SPRED2: variants seen among roughly 807,000 people sequenced by gnomAD.
The protein encoded by SPRED2 is sprouty-related, EVH1 domain-containing protein 2.
A neutral mutation model predicts 43.0 loss-of-function variants in SPRED2; 47 were observed. The ratio of observed to expected loss-of-function variants is 1.09; its 90% confidence interval spans 0.87 to 1.40. SPRED2 has a LOEUF of 1.40. Ranked by LOEUF, SPRED2 falls within the 40% of genes most tolerant of loss-of-function variation. SPRED2 has a pLI of 0.00. For synonymous variants in SPRED2, 225 were observed against 225.7 expected (o/e 1.00, Z 0.03); for missense variants, 561 against 586.4 (o/e 0.96, Z 0.45).
In SPRED2 at chr2:65,332,046, T is replaced by C; in HGVS notation, c.379A>G (p.Thr127Ala). 2 of 1,606,784 alleles carry C rather than the reference T, an allele frequency of 1.2e-6. No homozygotes were observed. Among genetic ancestry groups the C allele is most frequent in the South Asian group, 1.1e-5 (1 of 89,530 alleles). Reference sequence around the variant, plus strand: ...TTATGGATGGTGGAAGATGACGTTGTTGAACCTAAAAAGACAAAAATGTAA... The same window carrying C: ...TTATGGATGGTGGAAGATGACGTTGCTGAACCTAAAAAGACAAAAATGTAA... ...KAIEDLIEGS[T>A]TSSSTIHNEA... is the part of the protein sequence containing the mutation. Residue 127 changes from threonine to alanine, a missense_variant, in exon 4 of 6, where the codon ACA (threonine) becomes GCA (alanine). Coordinates refer to ENST00000356388, the MANE Select transcript of SPRED2 (RefSeq NM_181784.3).
intron 1 of SPRED2, among the ~76,000 whole-genome samples, chr2:65,412,473 TC>T (rs966069781): frequency 5.7e-4 from 87 of 152,340 alleles, no homozygotes; most frequent in Middle Eastern, 3.4e-3. Flanking sequence ...CTGGCCCATT[TC>T]CTTGTTGCTA....
chr2:65,373,008 GCTAT>G (rs2104343614), intron 1 of SPRED2, among the ~76,000 whole-genome samples: 2 of 152,340 alleles, frequency 1.3e-5, no homozygotes, highest in South Asian at 4.1e-4. Flanking sequence ...TCACATGGAA[GCTAT>G]CTGTTTGTCA....
At chr2:65,431,864 C>A in intron 1 of SPRED2, 98 bp downstream of exon 1, 1 of 1,438,026 alleles carries the variant, frequency 7.0e-7, no homozygotes, top group Non-Finnish European at 9.7e-7. Context: ...GCACCCCACG[C>A]CAAGTTCACC....
In SPRED2 at chr2:65,333,548, A is replaced by G. The variant is rs1488184982; in HGVS notation, c.373+1057T>C. 2.6e-5 allele frequency among the ~76,000 whole-genome samples: 4 copies of G among 152,242 alleles called. No homozygotes were observed. In the East Asian group the frequency reaches 5.8e-4, roughly 22 times the overall value. ...AAGTAGGAGAATGAAATGTTGTGCAATTAAGTACATGGACACAATGCGAAC... is the reference window on the plus strand; with the variant it reads ...AAGTAGGAGAATGAAATGTTGTGCAGTTAAGTACATGGACACAATGCGAAC... On this transcript the variant is annotated intron_variant, in intron 3 of 5. Transcript: ENST00000356388.
intron 1 of SPRED2, among the ~76,000 whole-genome samples, chr2:65,354,841 T>C (rs1048773360): frequency 1.2e-4 from 19 of 152,220 alleles, no homozygotes; most frequent in African/African-American, 3.4e-4. Flanking sequence ...AATCTTAGCT[T>C]CAGCACACAG....
At chr2:65,397,773 T>C (rs1441837496) in intron 1 of SPRED2, among the ~76,000 whole-genome samples, 2 of 152,172 alleles carry the variant, frequency 1.3e-5, no homozygotes. Flanking sequence ...CTGAGCTACA[T>C]GGATGAGTAG....
chr2:65,323,301 C>T (rs1202808063), intron 4 of SPRED2, among the ~76,000 whole-genome samples: 2 of 152,116 alleles, frequency 1.3e-5, no homozygotes, highest in Non-Finnish European at 2.9e-5. Context: ...GGCCCACTGT[C>T]AAATTTTTCT....
chr2:65,353,752 T>C (rs753408843), intron 1 of SPRED2, among the ~76,000 whole-genome samples: 7 of 152,226 alleles, frequency 4.6e-5, no homozygotes, highest in Admixed American at 1.3e-4. Context: ...TTAGATAATA[T>C]AGATTTAACT....
intron 1 of SPRED2, among the ~76,000 whole-genome samples, chr2:65,371,183 A>G (rs955510519): frequency 3.7e-5 from 5 of 136,508 alleles, no homozygotes; most frequent in African/African-American, 1.2e-4. Flanking sequence ...ATCCAATCAT[A>G]CTGAATATTT....
intron 1 of SPRED2, among the ~76,000 whole-genome samples, chr2:65,402,476 A>G (rs145403185): frequency 7.9e-4 from 121 of 152,252 alleles, no homozygotes; most frequent in Non-Finnish European, 1.2e-3. Flanking sequence ...AGATACTGAT[A>G]TAACTCTGGA....
chr2:65,426,320 CCA>C (rs1676557874), intron 1 of SPRED2, among the ~76,000 whole-genome samples: 1 of 152,026 alleles, frequency 6.6e-6, no homozygotes, highest in Non-Finnish European at 1.5e-5. Context: ...CCTAAGTTAA[CCA>C]AATACAACAA....
At chr2:65,364,951 G>C (rs190859112) in intron 1 of SPRED2, among the ~76,000 whole-genome samples, 2 of 152,234 alleles carry the variant, frequency 1.3e-5, no homozygotes, top group East Asian at 3.9e-4. Context: ...CTATAAGATG[G>C]CAAAATATGG....
At position 65,313,613 on chromosome 2, in the gene SPRED2, A is replaced by AT; in HGVS notation, c.1144dup (p.Ile382AsnfsTer95). On this transcript the variant is annotated frameshift_variant, in exon 6 of 6. Coordinates refer to ENST00000356388, the MANE Select transcript of SPRED2 (RefSeq NM_181784.3). LOFTEE classifies it high-confidence loss of function. The stretch of plus-strand genomic sequence containing the variant: ...ACAGGGGGCCAGGAAAGACAAGGCA[A>AT]TAAGAGCCATCCACCGGAGGCAAAA... 6.2e-7 allele frequency: 1 copy of AT among 1,614,168 alleles called. No individual in the cohort carries two copies.
chr2:65,406,069 G>A (rs1209519739), intron 1 of SPRED2, among the ~76,000 whole-genome samples: 1 of 152,132 alleles, frequency 6.6e-6, no homozygotes, highest in Non-Finnish European at 1.5e-5. Context: ...TAACTCCCCA[G>A]GCCTCAGAGT....
In SPRED2 at chr2:65,335,402, C is replaced by T. The variant is rs574843091; in HGVS notation, c.205-629G>A. Reference sequence around the variant, plus strand: ...TAACTTTATGTTTGGATTAATAGAACAATATTCAAGTTTCTAGCAATTTAA... The same window carrying T: ...TAACTTTATGTTTGGATTAATAGAATAATATTCAAGTTTCTAGCAATTTAA... On this transcript the variant is annotated intron_variant, in intron 2 of 5. Coordinates refer to ENST00000356388, the MANE Select transcript of SPRED2 (RefSeq NM_181784.3). 7.9e-5 allele frequency among the ~76,000 whole-genome samples: 12 copies of T among 152,296 alleles called. No individual in the cohort carries two copies. The South Asian group carries it at 2.3e-3, about 29-fold the overall frequency.
At chr2:65,394,782 G>C (rs1484133178) in intron 1 of SPRED2, among the ~76,000 whole-genome samples, 1 of 152,172 alleles carries the variant, frequency 6.6e-6, no homozygotes, top group African/African-American at 2.4e-5. Flanking sequence ...GGCGCAGGGA[G>C]GGTTGAATGC....
chr2:65,368,186 A>C (rs1188311594), intron 1 of SPRED2, among the ~76,000 whole-genome samples: 6 of 152,252 alleles, frequency 3.9e-5, no homozygotes, highest in Admixed American at 6.5e-5. Context: ...ACACCTCAGC[A>C]AACAGCTGAC....
At chr2:65,341,143 G>A (rs751578515) in intron 2 of SPRED2, among the ~76,000 whole-genome samples, 1 of 151,442 alleles carries the variant, frequency 6.6e-6, no homozygotes, top group African/African-American at 2.4e-5. Context: ...GTGCATGAGT[G>A]TGCTGGGTAT....
At chr2:65,345,259 G>GTTTTTTTTTT (rs66991368) in intron 1 of SPRED2, among the ~76,000 whole-genome samples, 6 of 111,344 alleles carry the variant, frequency 5.4e-5, no homozygotes, top group South Asian at 3.8e-4. Flanking sequence ...TTTAGTTGTT[G>GTTTTTTTTTT]TTTTTTTTTT....
Sources: gnomAD v4.1 joint callset for allele counts (sites outside exome capture counted in the v4.1 genomes callset) on GRCh38, gnomAD v4.1.1 for gene constraint, MANE v1.5 for transcripts, NCBI Gene and HGNC (gene_info 2026-07-23, HGNC 2026-07-21) for gene names.